Variants in SHOC2 observed in about 807,000 individuals in gnomAD.
SHOC2 encodes the protein SHOC2 leucine rich repeat scaffold protein.
SHOC2 carries 4 observed loss-of-function variants against 50.2 expected under a neutral mutation model. The observed-to-expected ratio is 0.08, with a 90% CI of 0.04 to 0.18. SHOC2 has a LOEUF of 0.18. Ranked by LOEUF, SHOC2 falls within the 10% of genes least tolerant of loss-of-function variation. The probability of loss-of-function intolerance (pLI) is 1.00; values close to 1 mark genes in which losing one functional copy is unlikely to be tolerated. For synonymous variants in SHOC2, 218 were observed against 244.5 expected (o/e 0.89, Z 1.01); for missense variants, 388 against 669.6 (o/e 0.58, Z 4.64).
At chr10:110,944,086 A>C (rs1161362176) in intron 1 of SHOC2, among the ~76,000 whole-genome samples, 7 of 152,216 alleles carry the variant, frequency 4.6e-5, no homozygotes, top group Non-Finnish European at 8.8e-5. Context: ...TATTACAGAA[A>C]AACTGAGAAT....
At chr10:110,922,782 T>C (rs1042483162) in intron 1 of SHOC2, among the ~76,000 whole-genome samples, 11 of 152,060 alleles carry the variant, frequency 7.2e-5, no homozygotes, top group African/African-American at 2.2e-4. Context: ...TTATAAAATA[T>C]CAATTAACAG....
intron 3 of SHOC2, among the ~76,000 whole-genome samples, chr10:110,991,531 G>T (rs139185544): frequency 1.5e-3 from 223 of 152,260 alleles, no homozygotes; most frequent in African/African-American, 5.2e-3. Flanking sequence ...GTATAGTACA[G>T]CTGTTACTCT....
In SHOC2 at chr10:110,988,983, CTG is replaced by C. The variant is rs1397464360; in HGVS notation, c.841+3219_841+3220del. 5.8e-6 allele frequency: 3 copies of C among 518,326 alleles called. No individual in the cohort carries two copies. In the East Asian group the frequency reaches 1.7e-4, roughly 29 times the overall value. The allele number at this position is 518,326 out of a possible 1,614,324, so 32.1% of individuals were successfully genotyped here. On this transcript the variant is annotated intron_variant, in intron 3 of 8. Coordinates refer to ENST00000369452, the MANE Select transcript of SHOC2 (RefSeq NM_007373.4). The stretch of plus-strand genomic sequence containing the variant: ...TTGCTATTACTTTTAAAGGCAAAAA[CTG>C]AGACTACTTTTGCACCAACCTGATA...
At chr10:110,996,669 A>G (rs571160635) in intron 3 of SHOC2, among the ~76,000 whole-genome samples, 2 of 152,332 alleles carry the variant, frequency 1.3e-5, no homozygotes, top group South Asian at 4.1e-4. Flanking sequence ...CTAGATAAAT[A>G]TGTACTTATT....
chr10:110,951,398 GGT>G (rs1271348980), intron 1 of SHOC2, among the ~76,000 whole-genome samples: 32 of 152,090 alleles, frequency 2.1e-4, no homozygotes, highest in Non-Finnish European at 4.0e-4. Flanking sequence ...TGTAAGTGTT[GGT>G]GGGGATATAG....
intron 2 of SHOC2, among the ~76,000 whole-genome samples, chr10:110,984,750 A>T (rs1848046015): frequency 6.6e-6 from 1 of 152,212 alleles, no homozygotes; most frequent in African/African-American, 2.4e-5. Context: ...AAAGGGAGAA[A>T]TATACCTTAT....
At chr10:110,921,915 A>G (rs1290124782) in intron 1 of SHOC2, among the ~76,000 whole-genome samples, 1 of 152,026 alleles carries the variant, frequency 6.6e-6, no homozygotes, top group Non-Finnish European at 1.5e-5. Flanking sequence ...CTCATAAATT[A>G]TTATGGATTA....
At chr10:110,931,634 C>T (rs1846897567) in intron 1 of SHOC2, among the ~76,000 whole-genome samples, 1 of 151,998 alleles carries the variant, frequency 6.6e-6, no homozygotes, top group Non-Finnish European at 1.5e-5. Context: ...TAGGGGAACT[C>T]CATGCATGAG....
chr10:110,964,248 C>A lies in SHOC2; in HGVS notation c.-111C>A. 6.6e-7 allele frequency: 1 copy of A among 1,512,164 alleles called. No homozygotes were observed. The highest frequency in any genetic ancestry group is 8.8e-7 in the Non-Finnish European group (1 of 1,130,716). The allele number at this position is 1,512,164 out of a possible 1,614,324, so 93.7% of individuals were successfully genotyped here. On this transcript the variant is annotated 5_prime_UTR_variant, in exon 2 of 9. Coordinates refer to ENST00000369452, the MANE Select transcript of SHOC2 (RefSeq NM_007373.4). This position sits in a 1 kb window ranked among gnomAD's most constrained non-coding sequence, Gnocchi z 4.9. Reference sequence around the variant, plus strand: ...GGATGTTACTCCATGCTGATTACTTCTTCAAGCCAGTACTTTTTTGATTGT... The same window carrying A: ...GGATGTTACTCCATGCTGATTACTTATTCAAGCCAGTACTTTTTTGATTGT...
intron 4 of SHOC2, among the ~76,000 whole-genome samples, chr10:111,004,015 T>C (rs1048022922): frequency 3.3e-5 from 5 of 152,202 alleles, no homozygotes; most frequent in African/African-American, 1.2e-4. Context: ...AGTAAATACT[T>C]GTTTAATGGG....
At chr10:110,938,845 G>A (rs1344551309) in intron 1 of SHOC2, among the ~76,000 whole-genome samples, 1 of 152,176 alleles carries the variant, frequency 6.6e-6, no homozygotes, top group Non-Finnish European at 1.5e-5. Flanking sequence ...TTGCATGTCA[G>A]TTGCTTTTTA....
chr10:110,956,356 G>A (rs1245163643), intron 1 of SHOC2, among the ~76,000 whole-genome samples: 1 of 152,152 alleles, frequency 6.6e-6, no homozygotes. Context: ...GGGATTACAG[G>A]TGCGCGCCAG....
intron 1 of SHOC2, among the ~76,000 whole-genome samples, chr10:110,960,777 G>A (rs1247493697): frequency 6.6e-6 from 1 of 152,182 alleles, no homozygotes; most frequent in Non-Finnish European, 1.5e-5. Flanking sequence ...TTGGGTTCAA[G>A]TGACTCTCCT....
At chr10:110,925,895 T>A (rs891678194) in intron 1 of SHOC2, among the ~76,000 whole-genome samples, 8 of 152,240 alleles carry the variant, frequency 5.3e-5, no homozygotes, top group African/African-American at 1.4e-4. Context: ...TGCTCCTAAT[T>A]ATTTTTATTA....
chr10:111,009,453 T>G (rs928437809), intron 7 of SHOC2, 68 bp downstream of exon 7: 1 of 1,348,882 alleles, frequency 7.4e-7, no homozygotes, highest in Non-Finnish European at 1.1e-6. Context: ...CACATTTCTC[T>G]TAAGATTTTG....
chr10:111,005,265 C>A (rs1271286131), intron 5 of SHOC2, among the ~76,000 whole-genome samples: 3 of 152,106 alleles, frequency 2.0e-5, no homozygotes, highest in Non-Finnish European at 4.4e-5. Flanking sequence ...GAGAGCAAGA[C>A]CCTGTTCCCC....
intron 2 of SHOC2, among the ~76,000 whole-genome samples, chr10:110,965,739 G>T (rs887334854): frequency 1.3e-5 from 2 of 152,008 alleles, no homozygotes; most frequent in African/African-American, 4.8e-5. Flanking sequence ...TTTTTTAAAG[G>T]CTGGTAGTAG....
At chr10:110,935,077 A>G in intron 1 of SHOC2, among the ~76,000 whole-genome samples, 1 of 152,214 alleles carries the variant, frequency 6.6e-6, no homozygotes, top group East Asian at 1.9e-4. Context: ...TTTTTTGTAA[A>G]TGATAGCATA....
At position 110,919,623 on chromosome 10, in the gene SHOC2, G is replaced by C. The variant is rs1254129991; in HGVS notation, c.-269G>C. ...GAGGAGGAAGAGGAGGAAGGAGGGC[G>C]AGCGAGGAGGATGGCGGAGTCGGGG... On this transcript the variant is annotated 5_prime_UTR_variant, in exon 1 of 9. Coordinates refer to ENST00000369452, the MANE Select transcript of SHOC2 (RefSeq NM_007373.4). 5.0e-6 allele frequency: 2 copies of C among 398,774 alleles called. No homozygotes were observed. Among genetic ancestry groups the C allele is most frequent in the African/African-American group, 4.1e-5 (2 of 48,460 alleles). The allele number at this position is 398,774 out of a possible 1,614,324, so 24.7% of individuals were successfully genotyped here.
Sources: gnomAD v4.1 joint callset for allele counts (sites outside exome capture counted in the v4.1 genomes callset) on GRCh38, gnomAD v4.1.1 for gene constraint, Gnocchi (gnomAD v3.1) non-coding constraint, MANE v1.5 for transcripts, NCBI Gene and HGNC (gene_info 2026-07-23, HGNC 2026-07-21) for gene names.